Variants in DMD observed in about 807,000 individuals in gnomAD.
DMD encodes the protein mutant dystrophin.
Under a neutral mutation model 330.1 loss-of-function variants are expected in DMD, and 63 were observed. That is an observed-to-expected ratio of 0.19 (90% confidence interval 0.16 to 0.24). DMD has a LOEUF of 0.24. Ranked by LOEUF, DMD falls within the 10% of genes least tolerant of loss-of-function variation. The probability of loss-of-function intolerance (pLI) is 1.00; values close to 1 mark genes in which losing one functional copy is unlikely to be tolerated. For synonymous variants in DMD, 1,223 were observed against 959.8 expected (o/e 1.27, Z -5.07); for missense variants, 3,344 against 2,684.1 (o/e 1.25, Z -5.43).
At chrX:32,615,598 G>A (rs2057500141) in intron 11 of DMD, among the ~76,000 whole-genome samples, 1 of 111,256 alleles carries the variant, frequency 9.0e-6, no homozygotes, top group African/African-American at 3.3e-5. Context: ...ATTTGAATTA[G>A]GAATATGTTA....
At chrX:31,269,573 G>A (rs745352942) in intron 62 of DMD, among the ~76,000 whole-genome samples, 119 of 111,893 alleles carry the variant, frequency 1.1e-3, no homozygotes, top group African/African-American at 3.8e-3. Flanking sequence ...GAAGAGACAT[G>A]GCTTCTTTTC....
intron 7 of DMD, among the ~76,000 whole-genome samples, chrX:32,733,024 T>C (rs190265875): frequency 0.07 from 7,722 of 109,748 alleles, 773 homozygotes; most frequent in African/African-American, 0.25. Flanking sequence ...ACCCATCTCA[T>C]GTGCAGAGAC....
At chrX:32,245,101 T>C (rs200910114) in intron 43 of DMD, among the ~76,000 whole-genome samples, 306 of 80,286 alleles carry the variant, frequency 3.8e-3, no homozygotes, top group East Asian at 0.014. Flanking sequence ...TTAGGTCTAA[T>C]GTTTAAATCT....
chrX:33,124,293 T>A (rs1338500578), intron 1 of DMD, among the ~76,000 whole-genome samples: 2 of 109,031 alleles, frequency 1.8e-5, no homozygotes, highest in Non-Finnish European at 3.8e-5. Flanking sequence ...CTGGCCAACA[T>A]GGTGAAACCT....
At chrX:32,639,725 T>G (rs191244635) in intron 11 of DMD, among the ~76,000 whole-genome samples, 1 of 112,085 alleles carries the variant, frequency 8.9e-6, no homozygotes, top group Admixed American at 9.5e-5. Context: ...ATGGTTATCT[T>G]TCCTGACATT....
At chrX:32,617,317 T>A (rs1475739921) in intron 11 of DMD, among the ~76,000 whole-genome samples, 1 of 111,637 alleles carries the variant, frequency 9.0e-6, no homozygotes, top group East Asian at 2.8e-4. Context: ...AGTACGCAAC[T>A]AGAAGAAATT....
chrX:32,534,046 T>C (rs1354923631), intron 17 of DMD, among the ~76,000 whole-genome samples: 1 of 112,194 alleles, frequency 8.9e-6, no homozygotes, highest in Non-Finnish European at 1.9e-5. Flanking sequence ...TGAACTTTAG[T>C]CAAAACAGAA....
intron 44 of DMD, among the ~76,000 whole-genome samples, chrX:32,058,049 T>C (rs1288769361): frequency 1.8e-5 from 2 of 111,264 alleles, no homozygotes; most frequent in Non-Finnish European, 3.8e-5. Flanking sequence ...ATTGGACCTT[T>C]AACTTAAACT....
intron 44 of DMD, among the ~76,000 whole-genome samples, chrX:32,131,054 G>A (rs1314344526): frequency 2.7e-5 from 3 of 110,486 alleles, no homozygotes; most frequent in East Asian, 5.7e-4. Context: ...GCATGGTGGC[G>A]CATGCCTGTA....
chrX:32,235,287 T>G (rs1055269297), intron 43 of DMD, among the ~76,000 whole-genome samples: 1 of 110,447 alleles, frequency 9.1e-6, no homozygotes, highest in African/African-American at 3.3e-5. Flanking sequence ...CTTGCATGAG[T>G]AGTTCACAAT....
At chrX:31,245,165 T>C (rs181658449) in intron 63 of DMD, among the ~76,000 whole-genome samples, 2 of 112,147 alleles carry the variant, frequency 1.8e-5, no homozygotes, top group African/African-American at 6.5e-5. Flanking sequence ...TTTGCTAAGA[T>C]AACAAATTGC....
intron 9 of DMD, among the ~76,000 whole-genome samples, chrX:32,661,687 T>C (rs2060958176): frequency 1.8e-5 from 2 of 111,639 alleles, no homozygotes; most frequent in Non-Finnish European, 3.8e-5. Flanking sequence ...ATCCAGTCTT[T>C]TTCACCCTTA....
At chrX:32,195,099 A>G (rs2096993181) in intron 44 of DMD, among the ~76,000 whole-genome samples, 1 of 111,603 alleles carries the variant, frequency 9.0e-6, no homozygotes, top group South Asian at 3.7e-4. Flanking sequence ...TTTTGGAGAC[A>G]GAAGTTGCAT....
intron 55 of DMD, among the ~76,000 whole-genome samples, chrX:31,548,188 T>G (rs900428304): frequency 8.9e-6 from 1 of 111,932 alleles, no homozygotes; most frequent in African/African-American, 3.2e-5. Context: ...CCTGGAACAG[T>G]GCCACTCAAT....
chrX:32,509,378 C>G (rs1345300825), intron 18 of DMD, among the ~76,000 whole-genome samples: 1 of 110,470 alleles, frequency 9.1e-6, no homozygotes, highest in African/African-American at 3.3e-5. Context: ...CATTAAAAAG[C>G]ACAGAAAAGC....
At chrX:32,870,269 T>G (rs1343592925) in intron 2 of DMD, among the ~76,000 whole-genome samples, 1 of 111,522 alleles carries the variant, frequency 9.0e-6, no homozygotes, top group Non-Finnish European at 1.9e-5. Flanking sequence ...TACAAACCAC[T>G]GCTCAAGGAA....
chrX:33,123,374 A>C (rs776615283), intron 1 of DMD, among the ~76,000 whole-genome samples: 16 of 111,971 alleles, frequency 1.4e-4, no homozygotes, highest in Non-Finnish European at 3.0e-4. Context: ...AAAGGTAAAC[A>C]AATTATTGTA....
chrX:32,531,464 C>T (rs1371914539), intron 17 of DMD, among the ~76,000 whole-genome samples: 1 of 111,545 alleles, frequency 9.0e-6, no homozygotes. Context: ...TTTTAAAATG[C>T]CAAACTTTCA....
At chrX:31,694,852 A>G (rs1179625561) in intron 52 of DMD, among the ~76,000 whole-genome samples, 1 of 108,617 alleles carries the variant, frequency 9.2e-6, no homozygotes, top group Non-Finnish European at 1.9e-5. Context: ...CTCCATAAAG[A>G]CAGTATGAAT....
Sources: allele counts gnomAD v4.1 joint callset (sites outside exome capture counted in the v4.1 genomes callset), GRCh38; gene constraint gnomAD v4.1.1; transcripts MANE v1.5; gene names NCBI Gene and HGNC (gene_info 2026-07-23, HGNC 2026-07-21).